THNSL1: variants seen among roughly 807,000 people sequenced by gnomAD.
THNSL1 encodes the protein threonine synthase like 1, also known as threonine synthase-like 1.
A neutral mutation model predicts 50.4 loss-of-function variants in THNSL1; 48 were observed. The ratio of observed to expected loss-of-function variants is 0.95; its 90% CI spans 0.76 to 1.21. The LOEUF is 1.21. Among genes scored for constraint, THNSL1 ranks in the 50% most tolerant of loss-of-function variants. THNSL1 has a pLI of 0.00. For synonymous variants in THNSL1, 309 were observed against 306.1 expected, an observed-to-expected ratio of 1.01 and a Z score of -0.10; for missense variants, 896 against 871.7, an observed-to-expected ratio of 1.03 and a Z score of -0.35.
At chr10:24,972,937 T>C in the THNSL1 span, among the ~76,000 whole-genome samples, 342 of 152,306 alleles carry the variant, frequency 2.2e-3, 3 homozygotes, top group African/African-American at 7.0e-3. Context: ...ACCCTTTATA[T>C]ACTACATATT....
intron 1 of THNSL1, among the ~76,000 whole-genome samples, chr10:25,017,644 T>G (rs1850634176): frequency 6.6e-6 from 1 of 151,530 alleles, no homozygotes; most frequent in South Asian, 2.1e-4. Context: ...TTGTATACAG[T>G]TGATTTTAAT....
chr10:25,013,085 T>A (rs1024557917), upstream of THNSL1, among the ~76,000 whole-genome samples: 1 of 152,324 alleles, frequency 6.6e-6, no homozygotes. Context: ...ACACACTCTC[T>A]TTCCTGCCAC....
chr10:24,987,699 T>G, the THNSL1 span, among the ~76,000 whole-genome samples: 1 of 152,180 alleles, frequency 6.6e-6, no homozygotes, highest in Admixed American at 6.5e-5. Context: ...TTACCTCCTC[T>G]GCAAGTATGT....
chr10:24,965,864 C>T, the THNSL1 span, among the ~76,000 whole-genome samples: 53 of 152,228 alleles, frequency 3.5e-4, no homozygotes, highest in East Asian at 4.4e-3. Flanking sequence ...AATAATGAAA[C>T]GAATTCCACA....
At chr10:24,973,811 T>C in the THNSL1 span, among the ~76,000 whole-genome samples, 6,975 of 152,198 alleles carry the variant, frequency 0.046, 479 homozygotes, top group African/African-American at 0.15. Flanking sequence ...TGGAGTGAAG[T>C]GGCATGATCT....
the THNSL1 span, among the ~76,000 whole-genome samples, chr10:24,989,476 C>T: frequency 2.0e-5 from 3 of 152,174 alleles, no homozygotes; most frequent in Non-Finnish European, 4.4e-5. Flanking sequence ...TGACTAGTGC[C>T]TTGGAACCTT....
At chr10:24,963,001 G>A in the THNSL1 span, among the ~76,000 whole-genome samples, 1 of 151,818 alleles carries the variant, frequency 6.6e-6, no homozygotes, top group African/African-American at 2.4e-5. Flanking sequence ...GCATGGTAAG[G>A]CCAGATGCTG....
chr10:25,022,364 G>C (rs1270950000), intron 2 of THNSL1, among the ~76,000 whole-genome samples: 2 of 152,158 alleles, frequency 1.3e-5, no homozygotes, highest in Non-Finnish European at 2.9e-5. Flanking sequence ...CTCCACTGAT[G>C]ATTATAGGGT....
At chr10:24,972,855 G>A in the THNSL1 span, among the ~76,000 whole-genome samples, 7 of 152,306 alleles carry the variant, frequency 4.6e-5, no homozygotes, top group South Asian at 1.5e-3. Flanking sequence ...TAGGATTACA[G>A]CAGTCCCCCT....
chr10:24,994,085 C>T, the THNSL1 span, among the ~76,000 whole-genome samples: 2 of 152,148 alleles, frequency 1.3e-5, no homozygotes, highest in African/African-American at 4.8e-5. Context: ...CCTGAGAAGA[C>T]AGTGTCCTCT....
Position 25,024,132 on chromosome 10 carries a change from A to G in THNSL1, c.909A>G (p.Ala303=). Residue 303 remains alanine, a synonymous_variant, in exon 3 of 3, where the codon GCA becomes GCG. Coordinates refer to ENST00000376356, the MANE Select transcript of THNSL1 (RefSeq NM_024838.5). ...QILLERCIHP[A]DIPAARLGEM... ...TGTTGGAAAGATGTATCCATCCTGC[A>G]GACATACCTGCTGCCAGGTTGGGAG... 1 of 1,614,218 alleles carries G rather than the reference A, an allele frequency of 6.2e-7. No individual in the cohort carries two copies. The highest frequency in any genetic ancestry group is 1.1e-5 in the South Asian group (1 of 91,086).
At chr10:25,016,054 C>G (rs1382815995), upstream of THNSL1, 1 of 1,447,580 alleles carries the variant, frequency 6.9e-7, no homozygotes, top group African/African-American at 1.4e-5. Flanking sequence ...TGAAGGACCA[C>G]AGGTTCTCTC....
the THNSL1 span, chr10:24,984,228 T>C: frequency 1.1e-6 from 1 of 904,644 alleles, no homozygotes; most frequent in Non-Finnish European, 1.6e-6. Flanking sequence ...ACTGCAAATG[T>C]CATGGGCCAC....
At chr10:24,973,799 G>A in the THNSL1 span, among the ~76,000 whole-genome samples, 1 of 152,032 alleles carries the variant, frequency 6.6e-6, no homozygotes, top group Admixed American at 6.6e-5. Context: ...TTTCGCCCAG[G>A]CTGGAGTGAA....
the THNSL1 span, among the ~76,000 whole-genome samples, chr10:24,961,780 GAA>G: frequency 2.0e-5 from 3 of 152,170 alleles, no homozygotes; most frequent in Non-Finnish European, 4.4e-5. Flanking sequence ...CTAGACTAAT[GAA>G]AAGTTTATGG....
At chr10:25,003,112 C>T in the THNSL1 span, among the ~76,000 whole-genome samples, 1 of 151,948 alleles carries the variant, frequency 6.6e-6, no homozygotes, top group Non-Finnish European at 1.5e-5. Flanking sequence ...ATGTCTCCTC[C>T]ATCTCTCCAA....
At chr10:24,984,126 G>T in the THNSL1 span, 2 of 412,666 alleles carry the variant, frequency 4.8e-6, no homozygotes, top group Non-Finnish European at 8.6e-6. Flanking sequence ...TCTTGATTTT[G>T]TAAGTTGTCT....
the THNSL1 span, among the ~76,000 whole-genome samples, chr10:24,986,246 C>T: frequency 3.3e-5 from 5 of 152,108 alleles, no homozygotes; most frequent in Admixed American, 6.6e-5. Flanking sequence ...AGGGACAATA[C>T]AATTTCACTG....
At chr10:25,021,164 T>C (rs1232910735) in intron 1 of THNSL1, among the ~76,000 whole-genome samples, 2 of 152,200 alleles carry the variant, frequency 1.3e-5, no homozygotes, top group African/African-American at 4.8e-5. Flanking sequence ...ATTTATATAT[T>C]CCTAGCCCAC....
Sources: gnomAD v4.1 joint callset for allele counts (sites outside exome capture counted in the v4.1 genomes callset) on GRCh38, gnomAD v4.1.1 for gene constraint, MANE v1.5 for transcripts, NCBI Gene and HGNC (gene_info 2026-07-23, HGNC 2026-07-21) for gene names.